MEIS2: variants seen among roughly 807,000 people sequenced by gnomAD.
The protein encoded by MEIS2 is Meis homeobox 2, also known as homeobox protein Meis2.
MEIS2 carries 9 observed loss-of-function variants against 58.6 expected under a neutral mutation model. The observed-to-expected ratio is 0.15, with a 90% CI of 0.09 to 0.27. MEIS2 has a LOEUF of 0.27. Among genes scored for constraint, MEIS2 ranks in the 10% least tolerant of loss-of-function variants. The pLI is 1.00. For synonymous variants in MEIS2, 221 were observed against 228.4 expected (o/e 0.97, Z 0.29); for missense variants, 427 against 635.0 (o/e 0.67, Z 3.52).
chr15:36,988,694 C>T (rs2060172237), intron 8 of MEIS2, among the ~76,000 whole-genome samples: 1 of 152,134 alleles, frequency 6.6e-6, no homozygotes, highest in Non-Finnish European at 1.5e-5. Context: ...TATCTTAAAA[C>T]AATAACCATC....
At chr15:37,045,563 T>G (rs1042053729) in intron 7 of MEIS2, among the ~76,000 whole-genome samples, 1 of 152,090 alleles carries the variant, frequency 6.6e-6, no homozygotes, top group Admixed American at 6.6e-5. Flanking sequence ...CCAAAAACCA[T>G]CAGCAAAGTA....
chr15:36,995,864 G>T (rs1186111887), intron 8 of MEIS2, among the ~76,000 whole-genome samples: 1 of 146,328 alleles, frequency 6.8e-6, no homozygotes, highest in African/African-American at 2.5e-5. Context: ...TTTCTTGTTC[G>T]ACTTGAATCT....
At chr15:36,903,568 A>C (rs2056583539) in intron 9 of MEIS2, among the ~76,000 whole-genome samples, 1 of 152,228 alleles carries the variant, frequency 6.6e-6, no homozygotes, top group South Asian at 2.1e-4. Context: ...CAGAAGGTAC[A>C]CCTACAAGTT....
intron 8 of MEIS2, among the ~76,000 whole-genome samples, chr15:36,998,395 A>C: frequency 6.6e-6 from 1 of 151,328 alleles, no homozygotes; most frequent in Non-Finnish European, 1.5e-5. Flanking sequence ...TAATTCTTTT[A>C]CTTTTTGTAG....
intron 9 of MEIS2, among the ~76,000 whole-genome samples, chr15:36,910,495 G>T (rs1469536707): frequency 1.3e-5 from 2 of 152,100 alleles, no homozygotes; most frequent in East Asian, 3.9e-4. Context: ...ATTTTGAGGG[G>T]CACTCGGGTT....
intron 9 of MEIS2, among the ~76,000 whole-genome samples, chr15:36,948,745 T>C (rs2141383837): frequency 6.6e-6 from 1 of 152,102 alleles, no homozygotes; most frequent in East Asian, 1.9e-4. Context: ...TGATAACTTG[T>C]GCTAGGAACA....
intron 6 of MEIS2, among the ~76,000 whole-genome samples, chr15:37,088,839 A>C (rs950609482): frequency 3.3e-5 from 5 of 152,172 alleles, no homozygotes; most frequent in African/African-American, 4.8e-5. Context: ...GCCTCTTAAA[A>C]CTTTGAATTG....
At chr15:37,090,609 G>A (rs961699657) in intron 6 of MEIS2, among the ~76,000 whole-genome samples, 2 of 151,882 alleles carry the variant, frequency 1.3e-5, no homozygotes, top group African/African-American at 2.4e-5. Context: ...TTTTGCTTCT[G>A]ATGCATTTCT....
intron 9 of MEIS2, among the ~76,000 whole-genome samples, chr15:36,899,859 C>T (rs1047268016): frequency 3.9e-5 from 6 of 152,126 alleles, no homozygotes; most frequent in Admixed American, 2.6e-4. Context: ...GAATTTCACA[C>T]GGGTTTAAAA....
intron 7 of MEIS2, among the ~76,000 whole-genome samples, chr15:37,056,475 C>CA (rs989115376): frequency 2.6e-5 from 4 of 151,832 alleles, no homozygotes; most frequent in East Asian, 1.9e-4. Flanking sequence ...TTAAATTGAA[C>CA]AAAAAAAATG....
intron 9 of MEIS2, among the ~76,000 whole-genome samples, chr15:36,910,771 G>A (rs1415371067): frequency 3.9e-5 from 6 of 152,144 alleles, no homozygotes; most frequent in Non-Finnish European, 7.4e-5. Context: ...CTCTTGCTGG[G>A]CGCAGTGGCT....
intron 7 of MEIS2, among the ~76,000 whole-genome samples, chr15:37,068,269 A>C (rs1890226941): frequency 6.6e-6 from 1 of 152,080 alleles, no homozygotes; most frequent in South Asian, 2.1e-4. Flanking sequence ...CACTTCCCTT[A>C]AGTTTGCAGG....
rs1031702261 is a variant in MEIS2 at position 36,969,922 on chromosome 15, T to C, written c.901-19522A>G. 5.3e-5 allele frequency among the ~76,000 whole-genome samples: 8 copies of C among 151,994 alleles called. No individual in the cohort carries two copies. In the East Asian group the frequency reaches 1.6e-3, roughly 29 times the overall value. On this transcript the variant is annotated intron_variant, in intron 8 of 11. Coordinates refer to ENST00000561208, the MANE Select transcript of MEIS2 (RefSeq NM_170675.5). ...TTTTTTTTTCTTTTCGCAAAAAAAG[T>C]ACAGATATAAGAAAACTATACAGGG...
chr15:36,978,083 T>G (rs1276798238), intron 8 of MEIS2, among the ~76,000 whole-genome samples: 1 of 152,252 alleles, frequency 6.6e-6, no homozygotes, highest in Non-Finnish European at 1.5e-5. Flanking sequence ...GGATTAAATG[T>G]ACCTCCTCTG....
intron 8 of MEIS2, chr15:37,036,603 C>T (rs2062164707): frequency 4.4e-6 from 2 of 459,160 alleles, no homozygotes; most frequent in Admixed American, 7.8e-5. Flanking sequence ...CCATTCCCAG[C>T]TTCTTAAAAC....
At chr15:36,922,124 A>G (rs547057071) in intron 9 of MEIS2, among the ~76,000 whole-genome samples, 2 of 152,362 alleles carry the variant, frequency 1.3e-5, no homozygotes, top group East Asian at 1.9e-4. Context: ...AACGCAGCAC[A>G]TAGAAAAGAA....
At chr15:36,921,350 T>C (rs1407763754) in intron 9 of MEIS2, among the ~76,000 whole-genome samples, 1 of 152,170 alleles carries the variant, frequency 6.6e-6, no homozygotes. Context: ...TAAACATACA[T>C]TCTGTTCAAG....
chr15:36,962,843 C>A (rs1431742280), intron 8 of MEIS2, among the ~76,000 whole-genome samples: 2 of 152,182 alleles, frequency 1.3e-5, no homozygotes, highest in African/African-American at 4.8e-5. Context: ...AAGAAATAAG[C>A]CAGAAATGGC....
chr15:36,998,109 C>G (rs759077458), intron 8 of MEIS2, among the ~76,000 whole-genome samples: 8 of 152,086 alleles, frequency 5.3e-5, no homozygotes, highest in Admixed American at 1.3e-4. Flanking sequence ...TTCCTCACGA[C>G]GGGCTATAGG....
Sources: allele counts gnomAD v4.1 joint callset (sites outside exome capture counted in the v4.1 genomes callset), GRCh38; gene constraint gnomAD v4.1.1; transcripts MANE v1.5; gene names NCBI Gene and HGNC (gene_info 2026-07-23, HGNC 2026-07-21).